Variants in CALN1 observed in about 807,000 individuals in gnomAD.
The protein encoded by CALN1 is calcium-binding protein 8.
A neutral mutation model predicts 30.6 loss-of-function variants in CALN1; 17 were observed. The observed-to-expected ratio is 0.56, with a 90% CI of 0.38 to 0.83. The LOEUF (loss-of-function observed/expected upper bound fraction) is 0.83, where lower values mean the gene tolerates loss of function less well. Among genes scored for constraint, CALN1 ranks in the 40% least tolerant of loss-of-function variants. CALN1 has a pLI of 0.00. For synonymous variants in CALN1, 156 were observed against 131.4 expected, an observed-to-expected ratio of 1.19 and a Z score of -1.28; for missense variants, 291 against 354.9, an observed-to-expected ratio of 0.82 and a Z score of 1.45.
intron 2 of CALN1, among the ~76,000 whole-genome samples, chr7:72,387,162 C>A: frequency 7.4e-6 from 1 of 135,788 alleles, no homozygotes; most frequent in Non-Finnish European, 1.6e-5. Flanking sequence ...TAAGTCCATA[C>A]TTATGAAAAT....
intron 5 of CALN1, among the ~76,000 whole-genome samples, chr7:71,992,291 G>C (rs1216753626): frequency 6.6e-6 from 1 of 152,156 alleles, no homozygotes; most frequent in Non-Finnish European, 1.5e-5. Flanking sequence ...CCTTGTATAA[G>C]AAAATGTTAT....
intron 2 of CALN1, among the ~76,000 whole-genome samples, chr7:72,308,372 GGAGAGAGAGAGAGAGAGA>G (rs150660773): frequency 1.3e-4 from 12 of 92,656 alleles, no homozygotes; most frequent in East Asian, 3.1e-4. Flanking sequence ...TGTGGGGGGG[GGAGAGAGAGAGAGAGAGA>G]GAGAGAGAGA....
At chr7:72,414,254 G>C (rs1053085920), upstream of CALN1, among the ~76,000 whole-genome samples, 1 of 152,134 alleles carries the variant, frequency 6.6e-6, no homozygotes, top group African/African-American at 2.4e-5. Context: ...TTCGTTCTGT[G>C]CACCTACTAC....
At chr7:72,396,254 A>AAAAAAAAAAAAAAAAT in intron 2 of CALN1, among the ~76,000 whole-genome samples, 1 of 78,136 alleles carries the variant, frequency 1.3e-5, no homozygotes, top group Non-Finnish European at 2.2e-5. Context: ...AAAAAAAAAA[A>AAAAAAAAAAAAAAAAT]AAAGAAAGAA....
At chr7:72,131,400 A>G (rs941842700) in intron 3 of CALN1, among the ~76,000 whole-genome samples, 1 of 152,186 alleles carries the variant, frequency 6.6e-6, no homozygotes, top group African/African-American at 2.4e-5. Flanking sequence ...ACGGTGCCTA[A>G]TAATTTGCAT....
chr7:71,830,698 GT>G (rs1789221560), intron 5 of CALN1, among the ~76,000 whole-genome samples: 2 of 152,254 alleles, frequency 1.3e-5, no homozygotes. Context: ...CTCGAACTTG[GT>G]TCTTACTCAG....
chr7:72,389,209 A>AC (rs1359814073), intron 2 of CALN1, among the ~76,000 whole-genome samples: 1 of 151,514 alleles, frequency 6.6e-6, no homozygotes, highest in Non-Finnish European at 1.5e-5. Context: ...CACATCAAAC[A>AC]CCCCCTGGGG....
intron 3 of CALN1, among the ~76,000 whole-genome samples, chr7:72,169,838 C>T (rs1349099302): frequency 6.6e-6 from 1 of 151,660 alleles, no homozygotes; most frequent in Non-Finnish European, 1.5e-5. Flanking sequence ...TTACAGGTGC[C>T]CAGCACCACA....
chr7:71,861,777 CAAAAAAAAA>C (rs35793572), intron 5 of CALN1, among the ~76,000 whole-genome samples: 15 of 74,704 alleles, frequency 2.0e-4, no homozygotes, highest in East Asian at 9.2e-4. Context: ...CAACTCTATC[CAAAAAAAAA>C]AAAAAAAAAA....
rs575004238 is a variant in CALN1, at chr7:72,247,550, C to T, written c.244+31136G>A. 5.0e-4 allele frequency among the ~76,000 whole-genome samples: 76 copies of T among 152,168 alleles called. 1 individual carries two copies. In the Middle Eastern group the frequency reaches 0.014, roughly 27 times the overall value. On this transcript the variant is annotated intron_variant, in intron 3 of 6. Transcript: ENST00000395275. The stretch of plus-strand genomic sequence containing the variant: ...GATTACAGGCATGAGCCACCGTGCC[C>T]GCCCTCAACAGGCCATTTTCTTATT...
chr7:72,287,430 AATTAATTTTTT>A (rs1798156829), intron 2 of CALN1, among the ~76,000 whole-genome samples: 1 of 145,996 alleles, frequency 6.8e-6, no homozygotes, highest in African/African-American at 2.5e-5. Context: ...ACATACACCA[AATTAATTTTTT>A]TTTTTTTTTT....
At chr7:72,387,199 AG>A (rs1805260327) in intron 2 of CALN1, among the ~76,000 whole-genome samples, 1 of 106,864 alleles carries the variant, frequency 9.4e-6, no homozygotes, top group African/African-American at 3.5e-5. Context: ...GAAGGGAGGG[AG>A]GGAGGGAGGG....
chr7:72,038,850 C>T (rs948727690), intron 4 of CALN1, among the ~76,000 whole-genome samples: 1 of 152,164 alleles, frequency 6.6e-6, no homozygotes, highest in Non-Finnish European at 1.5e-5. Context: ...AATAATCCAC[C>T]CCTGGTTTAG....
intron 2 of CALN1, among the ~76,000 whole-genome samples, chr7:72,290,878 G>A (rs894341883): frequency 6.6e-6 from 1 of 150,732 alleles, no homozygotes; most frequent in Non-Finnish European, 1.5e-5. Flanking sequence ...TTTTCACTGA[G>A]TATCAATCTT....
intron 1 of CALN1, among the ~76,000 whole-genome samples, chr7:72,432,255 C>T (rs541180268): frequency 9.9e-5 from 15 of 152,150 alleles, no homozygotes; most frequent in Non-Finnish European, 2.9e-5. Context: ...CCATGTAAGA[C>T]GTGCCTTTTT....
chr7:72,211,773 G>A (rs1240200865), intron 3 of CALN1, among the ~76,000 whole-genome samples: 7 of 152,202 alleles, frequency 4.6e-5, no homozygotes, highest in African/African-American at 9.6e-5. Context: ...GGTGACAGCC[G>A]GTGATGGGGT....
the CALN1 span, among the ~76,000 whole-genome samples, chr7:72,493,094 C>T: frequency 2.0e-5 from 3 of 152,132 alleles, no homozygotes; most frequent in Non-Finnish European, 4.4e-5. Flanking sequence ...TTTCATCACC[C>T]CCGAAAGAAA....
chr7:72,068,659 T>A (rs1804188521), intron 4 of CALN1, among the ~76,000 whole-genome samples: 2 of 152,140 alleles, frequency 1.3e-5, no homozygotes, highest in African/African-American at 2.4e-5. Flanking sequence ...AGCTAATTTT[T>A]AAATTATTTT....
At chr7:71,839,270 T>C (rs190864630) in intron 5 of CALN1, among the ~76,000 whole-genome samples, 1 of 152,324 alleles carries the variant, frequency 6.6e-6, no homozygotes, top group Admixed American at 6.5e-5. Context: ...CAGGTGCTCA[T>C]GCCTGTAATT....
Sources: gnomAD v4.1 joint callset for allele counts (sites outside exome capture counted in the v4.1 genomes callset) on GRCh38, gnomAD v4.1.1 for gene constraint, MANE v1.5 for transcripts, NCBI Gene and HGNC (gene_info 2026-07-23, HGNC 2026-07-21) for gene names.